The following PRPSAP1 variants were observed in gnomAD, a reference collection of about 807,000 sequenced individuals.
PRPSAP1 encodes phosphoribosyl pyrophosphate synthase-associated protein 1.
PRPSAP1 carries 31 observed loss-of-function variants against 39.4 expected under a neutral mutation model. The ratio of observed to expected loss-of-function variants is 0.79; its 90% CI spans 0.59 to 1.06. The LOEUF is 1.06. Among genes scored for constraint, PRPSAP1 ranks in the 50% least tolerant of loss-of-function variants. PRPSAP1 has a pLI of 0.00. For synonymous variants in PRPSAP1, 212 were observed against 192.6 expected (o/e 1.10, Z -0.83); for missense variants, 430 against 511.6 (o/e 0.84, Z 1.54).
chr17:76,345,665 C>T (rs2071492552), intron 2 of PRPSAP1: 1 of 155,698 alleles, frequency 6.4e-6, no homozygotes, highest in African/African-American at 2.5e-5. Flanking sequence ...CAGCTAGAAA[C>T]ATTTGGAGGG....
At chr17:76,328,206 C>T (rs555805040) in intron 7 of PRPSAP1, among the ~76,000 whole-genome samples, 2 of 148,226 alleles carry the variant, frequency 1.3e-5, no homozygotes, top group East Asian at 2.0e-4. Context: ...AAAAAAAAGG[C>T]GGAGGATAGC....
intron 1 of PRPSAP1, among the ~76,000 whole-genome samples, chr17:76,350,768 C>G (rs1043767356): frequency 6.6e-6 from 1 of 152,202 alleles, no homozygotes; most frequent in Non-Finnish European, 1.5e-5. Flanking sequence ...CACAGTGGCT[C>G]ATGCCTGTAA....
intron 2 of PRPSAP1, chr17:76,346,158 A>AT (rs1326814717): frequency 4.1e-6 from 1 of 246,440 alleles, no homozygotes; most frequent in Non-Finnish European, 8.2e-6. Context: ...TTGAAATACT[A>AT]TTTTTTATCA....
At chr17:76,319,991 T>C (rs547083607) in intron 7 of PRPSAP1, among the ~76,000 whole-genome samples, 4 of 151,784 alleles carry the variant, frequency 2.6e-5, no homozygotes, top group Non-Finnish European at 4.4e-5. Flanking sequence ...AAATGTAGGC[T>C]GGGCATGGTG....
chr17:76,345,930 A>C, intron 2 of PRPSAP1: 1 of 452,450 alleles, frequency 2.2e-6, no homozygotes, highest in South Asian at 1.6e-5. Flanking sequence ...TGTCTGCTAA[A>C]CCTGCTCCTC....
rs777441984 is a variant in PRPSAP1 at position 76,311,649 on chromosome 17, T to A, written c.1051A>T (p.Lys351Ter). ...PHEVQKLQCP[K>*]IKTVDISLIL... ...AAACTGATATCCACAGTCTTTATCT[T>A]GGGACATTGCAGCTTCTGAACCTCA... Residue 351 changes from lysine (K) to a stop codon, truncating the protein, a stop_gained, in exon 10 of 10, where the codon AAG becomes TAG. Coordinates refer to ENST00000446526, the MANE Select transcript of PRPSAP1 (RefSeq NM_002766.3). LOFTEE classifies it high-confidence loss of function. 11 of 1,614,070 alleles carry A rather than the reference T, an allele frequency of 6.8e-6. No homozygotes were observed. In the South Asian group the frequency reaches 1.2e-4, roughly 18 times the overall value.
At position 76,313,811 on chromosome 17, in the gene PRPSAP1, A is replaced by G. The variant is rs368375318; in HGVS notation, c.852+10T>C. 5.0e-6 allele frequency: 8 copies of G among 1,614,184 alleles called. No individual in the cohort carries two copies. Among genetic ancestry groups the G allele is most frequent in the South Asian group, 3.3e-5 (3 of 91,082 alleles). ...TGCCACCTCTGCACATGGATGACAT[A>G]TAACCATACCACGATGATTGCGATG... On this transcript the variant is annotated intron_variant, in intron 8 of 9. Transcript: ENST00000446526.
At chr17:76,316,755 A>C (rs1220422047) in intron 7 of PRPSAP1, among the ~76,000 whole-genome samples, 1 of 152,224 alleles carries the variant, frequency 6.6e-6, no homozygotes, top group Non-Finnish European at 1.5e-5. Flanking sequence ...AAATGTTTCC[A>C]ATTCATCAAA....
rs750150736 is a variant in PRPSAP1 at position 76,311,604 on chromosome 17, G to A, written c.1096C>T (p.Arg366Trp). The change falls in exon 10 of 10, where the codon CGG (arginine) becomes TGG (tryptophan). Residue 366 changes from arginine to tryptophan, a missense_variant. Physicochemically the swap from Arg to Trp is moderately radical, Grantham distance 101. Around this residue, in one of 2 missense-constraint regions of PRPSAP1, gnomAD observed 278 missense variants for 376.3 expected, o/e 0.74. Coordinates refer to ENST00000446526, the MANE Select transcript of PRPSAP1 (RefSeq NM_002766.3). ...DISLILSEAI[R>W]RIHNGESMAY... is the part of the protein sequence containing the mutation. ...ATGGACTCTCCATTGTGGATTCTCC[G>A]AATGGCTTCAGAAAGAATCAAACTG... 13 of 1,614,002 alleles carry A rather than the reference G, an allele frequency of 8.1e-6. No individual in the cohort carries two copies. The highest frequency in any genetic ancestry group is 2.7e-5 in the African/African-American group (2 of 74,892).
rs778041081 is a variant in PRPSAP1 at position 76,312,955 on chromosome 17, CCT to C, written c.912_913del (p.Gly305ArgfsTer3). On this transcript the variant is annotated frameshift_variant, in exon 9 of 10. Transcript: ENST00000446526. LOFTEE classifies it high-confidence loss of function. ...GGCCATAACATAGATCTTATAGGCG[CCT>C]CTCTCTTTCAGGATCTCCGCGGCAG... 8 of 1,613,940 alleles carry C rather than the reference CCT, an allele frequency of 5.0e-6. No homozygotes were observed. The highest frequency in any genetic ancestry group is 5.9e-6 in the Non-Finnish European group (7 of 1,180,018).
intron 4 of PRPSAP1, among the ~76,000 whole-genome samples, chr17:76,330,973 C>T (rs1009389189): frequency 1.3e-5 from 2 of 151,904 alleles, no homozygotes. Flanking sequence ...GAATTAATAC[C>T]GAAGAGATGG....
chr17:76,324,937 A>G (rs376704320), intron 7 of PRPSAP1, among the ~76,000 whole-genome samples: 468 of 150,884 alleles, frequency 3.1e-3, no homozygotes, highest in South Asian at 6.9e-3. Flanking sequence ...GTGTGGTGGC[A>G]GGCACCTGTA....
At chr17:76,351,483 C>A (rs1483647408) in intron 1 of PRPSAP1, among the ~76,000 whole-genome samples, 2 of 151,992 alleles carry the variant, frequency 1.3e-5, no homozygotes, top group Non-Finnish European at 2.9e-5. Flanking sequence ...CCACTGCACT[C>A]CAGCCTGGGC....
chr17:76,329,931 A>C, intron 6 of PRPSAP1, 112 bp downstream of exon 6: 1 of 935,378 alleles, frequency 1.1e-6, no homozygotes, highest in Admixed American at 1.9e-5. Context: ...GGTTAACATG[A>C]GAGCCAGTGG....
At chr17:76,317,367 A>C (rs970432539) in intron 7 of PRPSAP1, among the ~76,000 whole-genome samples, 2 of 151,476 alleles carry the variant, frequency 1.3e-5, no homozygotes, top group African/African-American at 2.4e-5. Context: ...AAAGAAAAAA[A>C]AAAATCAACA....
chr17:76,343,181 C>G (rs1450572347), intron 3 of PRPSAP1, among the ~76,000 whole-genome samples: 25 of 152,200 alleles, frequency 1.6e-4, no homozygotes, highest in Admixed American at 1.6e-3. Flanking sequence ...GTACACTGAT[C>G]AGGACATGAA....
intron 6 of PRPSAP1, among the ~76,000 whole-genome samples, chr17:76,329,290 C>T (rs1598527052): frequency 6.6e-6 from 1 of 152,064 alleles, no homozygotes; most frequent in South Asian, 2.1e-4. Flanking sequence ...GTCTTGAACC[C>T]CTGGGCTCAA....
chr17:76,332,059 A>G (rs771299237), intron 4 of PRPSAP1, among the ~76,000 whole-genome samples: 2 of 152,210 alleles, frequency 1.3e-5, no homozygotes, highest in Non-Finnish European at 2.9e-5. Context: ...GAAGACACTA[A>G]AGCAATGGTA....
At chr17:76,320,688 G>T (rs1208477538) in intron 7 of PRPSAP1, among the ~76,000 whole-genome samples, 1 of 151,226 alleles carries the variant, frequency 6.6e-6, no homozygotes, top group Non-Finnish European at 1.5e-5. Context: ...ACCCACCTCG[G>T]CCTCCCAAAG....
Sources: allele counts gnomAD v4.1 joint callset (sites outside exome capture counted in the v4.1 genomes callset), GRCh38; gene constraint gnomAD v4.1.1; regional missense constraint gnomAD v4.1.1; transcripts MANE v1.5; gene names NCBI Gene and HGNC (gene_info 2026-07-23, HGNC 2026-07-21).